FGF13: variants seen among roughly 807,000 people sequenced by gnomAD.
FGF13 encodes the protein fibroblast growth factor 13.
FGF13 carries 2 observed loss-of-function variants against 19.5 expected under a neutral mutation model. The observed-to-expected ratio is 0.10, with a 90% CI of 0.04 to 0.32. The LOEUF is 0.32. FGF13 is among the 10% of genes least tolerant of loss of function. The pLI, the probability that FGF13 is intolerant of heterozygous loss-of-function variation, is 1.00. For missense variants in FGF13, 113 were observed against 192.7 expected (o/e 0.59, Z 2.45); for synonymous variants, 72 against 76.9 (o/e 0.94, Z 0.33).
chrX:138,914,636 CT>C (rs34940979), intron 1 of FGF13, among the ~76,000 whole-genome samples: 2,357 of 76,897 alleles, frequency 0.031, 79 homozygotes, highest in African/African-American at 0.11. Context: ...TTGTGTTGGA[CT>C]TTTTTTTTTT....
chrX:138,641,437 G>A (rs1041643935), intron 3 of FGF13, among the ~76,000 whole-genome samples: 11 of 111,740 alleles, frequency 9.8e-5, no homozygotes, highest in Non-Finnish European at 1.7e-4. Flanking sequence ...GCCATGTTCC[G>A]ATGATAATTA....
downstream of FGF13, among the ~76,000 whole-genome samples, chrX:138,856,023 A>T (rs1009118521): frequency 1.8e-5 from 2 of 109,918 alleles, no homozygotes; most frequent in East Asian, 5.7e-4. Context: ...GAAAGCAGAA[A>T]ATATTGGAAT....
At chrX:138,949,078 G>A (rs940816977) in intron 1 of FGF13, among the ~76,000 whole-genome samples, 5 of 111,404 alleles carry the variant, frequency 4.5e-5, no homozygotes, top group African/African-American at 1.6e-4. Flanking sequence ...CAAAGTTTGT[G>A]ATCTTTTTTT....
At chrX:139,001,563 T>C (rs1412039179) in intron 1 of FGF13, among the ~76,000 whole-genome samples, 1 of 111,513 alleles carries the variant, frequency 9.0e-6, no homozygotes, top group Non-Finnish European at 1.9e-5. Context: ...AGAAGACATT[T>C]ATGTAGCCAA....
rs189837010 is a variant in FGF13 at position 139,126,367 on chromosome X, C to A, written c.-113+77049G>T. 2.7e-5 allele frequency among the ~76,000 whole-genome samples: 3 copies of A among 111,345 alleles called. No individual in the cohort carries two copies. The East Asian group carries it at 8.6e-4, about 32-fold the overall frequency. On this transcript the variant is annotated intron_variant, in intron 1 of 2. Transcript: ENST00000421460. ...TGCCCTGTCAGTGCTCCAAAGAAAT[C>A]GGGAATCTAACCCTTCCTCTCCACC...
intron 1 of FGF13, among the ~76,000 whole-genome samples, chrX:138,899,428 G>A (rs2091520607): frequency 9.0e-6 from 1 of 111,358 alleles, no homozygotes; most frequent in African/African-American, 3.3e-5. Context: ...TCCAGGTGCT[G>A]GGTAAGGTCA....
chrX:138,808,947 T>C (rs1163742151), intron 3 of FGF13, among the ~76,000 whole-genome samples: 1 of 111,790 alleles, frequency 8.9e-6, no homozygotes, highest in Non-Finnish European at 1.9e-5. Context: ...ATTGAGGCAA[T>C]AATTAATAGC....
At chrX:139,189,314 A>G (rs2148276075) in intron 1 of FGF13, among the ~76,000 whole-genome samples, 1 of 106,453 alleles carries the variant, frequency 9.4e-6, no homozygotes, top group East Asian at 2.9e-4. Flanking sequence ...AATTTATCCC[A>G]TCAATTGAAA....
chrX:138,686,242 T>C (rs1391228626), intron 3 of FGF13, among the ~76,000 whole-genome samples: 1 of 111,922 alleles, frequency 8.9e-6, no homozygotes, highest in East Asian at 2.8e-4. Context: ...TGAACCTATA[T>C]TCTTATTTAT....
At chrX:139,013,665 A>G (rs2092141094) in intron 1 of FGF13, among the ~76,000 whole-genome samples, 1 of 107,650 alleles carries the variant, frequency 9.3e-6, no homozygotes, top group South Asian at 4.2e-4. Flanking sequence ...TCTCACTCAT[A>G]TGTGGGAGCT....
chrX:139,191,632 G>A (rs1005105679), intron 1 of FGF13, among the ~76,000 whole-genome samples: 1 of 111,636 alleles, frequency 9.0e-6, no homozygotes, highest in African/African-American at 3.3e-5. Flanking sequence ...ACTGCTTGGT[G>A]CCTCAAGGAT....
intron 1 of FGF13, among the ~76,000 whole-genome samples, chrX:139,018,696 T>C (rs1274378045): frequency 9.0e-6 from 1 of 110,990 alleles, no homozygotes; most frequent in African/African-American, 3.3e-5. Flanking sequence ...ATGGCCAAAC[T>C]AGAACATGGG....
intron 1 of FGF13, among the ~76,000 whole-genome samples, chrX:138,951,528 C>T (rs2091812072): frequency 9.0e-6 from 1 of 111,401 alleles, no homozygotes; most frequent in African/African-American, 3.3e-5. Flanking sequence ...ATATTCATAA[C>T]TCCTATGATA....
intron 3 of FGF13, among the ~76,000 whole-genome samples, chrX:138,786,528 G>A (rs3887331): frequency 0.015 from 1,662 of 111,806 alleles, 19 homozygotes; most frequent in African/African-American, 0.049. Context: ...CCTGCTTCAA[G>A]CATGCTTATT....
intron 3 of FGF13, among the ~76,000 whole-genome samples, chrX:138,701,615 C>CTT (rs2089946732): frequency 8.9e-6 from 1 of 112,345 alleles, no homozygotes; most frequent in Non-Finnish European, 1.9e-5. Flanking sequence ...TGATAATTCT[C>CTT]TTTTTTTCAT....
intron 3 of FGF13, among the ~76,000 whole-genome samples, chrX:138,657,613 C>T (rs1602664045): frequency 8.9e-6 from 1 of 112,036 alleles, no homozygotes; most frequent in African/African-American, 3.2e-5. Context: ...TTTATTATCT[C>T]AATTTTCCAC....
chrX:139,022,926 T>G (rs1404746360), intron 1 of FGF13, among the ~76,000 whole-genome samples: 4 of 111,688 alleles, frequency 3.6e-5, no homozygotes, highest in Non-Finnish European at 7.5e-5. Flanking sequence ...TTCAAATGCT[T>G]GAAATGTATT....
intron 1 of FGF13, among the ~76,000 whole-genome samples, chrX:138,729,316 G>T (rs766591419): frequency 9.0e-6 from 1 of 110,881 alleles, no homozygotes; most frequent in Non-Finnish European, 1.9e-5. Flanking sequence ...TACATATGGC[G>T]ATGGAAAGTA....
At chrX:139,028,612 TGTGTGAGAGA>T (rs1346024443) in intron 1 of FGF13, among the ~76,000 whole-genome samples, 1 of 54,054 alleles carries the variant, frequency 1.8e-5, no homozygotes, top group African/African-American at 7.6e-5. Flanking sequence ...TGTGTGTGTG[TGTGTGAGAGA>T]GAGAGAGAGA....
Sources: gnomAD v4.1 joint callset for allele counts (sites outside exome capture counted in the v4.1 genomes callset) on GRCh38, gnomAD v4.1.1 for gene constraint, MANE v1.5 for transcripts, NCBI Gene and HGNC (gene_info 2026-07-23, HGNC 2026-07-21) for gene names.